Variants in DDAH1 observed in about 807,000 individuals in gnomAD.
DDAH1 encodes the protein N(G),N(G)-dimethylarginine dimethylaminohydrolase 1.
DDAH1 carries 19 observed loss-of-function variants against 28.8 expected under a neutral mutation model. The ratio of observed to expected loss-of-function variants is 0.66; its 90% CI spans 0.46 to 0.97. DDAH1 has a LOEUF of 0.97. Ranked by LOEUF, DDAH1 falls within the 50% of genes least tolerant of loss-of-function variation. DDAH1 has a pLI of 0.00. For synonymous variants in DDAH1, 153 were observed against 154.4 expected, an observed-to-expected ratio of 0.99 and a Z score of 0.07; for missense variants, 326 against 375.9, an observed-to-expected ratio of 0.87 and a Z score of 1.10.
chr1:85,428,377 A>T (rs940542408), intron 1 of DDAH1, among the ~76,000 whole-genome samples: 6 of 152,236 alleles, frequency 3.9e-5, no homozygotes, highest in Admixed American at 1.3e-4. Context: ...GGCAGGCAAG[A>T]GTGTGTGTGT....
chr1:85,430,446 G>A (rs1381629129), intron 1 of DDAH1, among the ~76,000 whole-genome samples: 1 of 152,184 alleles, frequency 6.6e-6, no homozygotes, highest in Non-Finnish European at 1.5e-5. Context: ...AAAGTCAGTG[G>A]TAGCTAGATG....
Position 85,382,034 on chromosome 1 carries a change from G to T in DDAH1, c.304-23187C>A, listed in dbSNP as rs116824381. Among the ~76,000 whole-genome samples, 941 of 152,250 alleles carry T rather than the reference G, an allele frequency of 6.2e-3. 9 individuals carry two copies. Among genetic ancestry groups the T allele is most frequent in the African/African-American group, 0.022 (912 of 41,542 alleles). ...TGGCCTCCAAGTGTTCAAGTGAAAGGAGGAATTGTACATTTCTCACTTTAA... is the reference window on the plus strand; with the variant it reads ...TGGCCTCCAAGTGTTCAAGTGAAAGTAGGAATTGTACATTTCTCACTTTAA... On this transcript the variant is annotated intron_variant, in intron 1 of 5. Transcript: ENST00000284031.
At chr1:85,546,209 A>G (rs940116220) in intron 1 of DDAH1, among the ~76,000 whole-genome samples, 2 of 151,692 alleles carry the variant, frequency 1.3e-5, no homozygotes, top group African/African-American at 2.4e-5. Flanking sequence ...AGAGGTGATT[A>G]GGCCATGGCA....
At chr1:85,501,697 C>T (rs1304962302) in intron 1 of DDAH1, among the ~76,000 whole-genome samples, 2 of 152,194 alleles carry the variant, frequency 1.3e-5, no homozygotes, top group Non-Finnish European at 2.9e-5. Flanking sequence ...AGGGTTTCAT[C>T]TCATGTGTTT....
intron 1 of DDAH1, among the ~76,000 whole-genome samples, chr1:85,424,016 T>G (rs766044744): frequency 7.9e-5 from 12 of 152,290 alleles, no homozygotes; most frequent in Middle Eastern, 3.4e-3. Context: ...TGTGGTGGAT[T>G]ACACTGGTTT....
intron 2 of DDAH1, among the ~76,000 whole-genome samples, chr1:85,353,910 T>A (rs1649359068): frequency 6.6e-6 from 1 of 151,972 alleles, no homozygotes; most frequent in Admixed American, 6.6e-5. Context: ...TTTAAAAGAC[T>A]AAGGTGTTCG....
chr1:85,433,786 T>G (rs1653812270), intron 1 of DDAH1, among the ~76,000 whole-genome samples: 1 of 152,206 alleles, frequency 6.6e-6, no homozygotes, highest in Non-Finnish European at 1.5e-5. Flanking sequence ...ATGTTAACTA[T>G]GAAGAGTAAT....
chr1:85,505,933 C>T (rs540932162), intron 1 of DDAH1, among the ~76,000 whole-genome samples: 1 of 152,238 alleles, frequency 6.6e-6, no homozygotes, highest in Non-Finnish European at 1.5e-5. Context: ...ATAGCATTAC[C>T]TTTAACAGCC....
chr1:85,328,116 A>G (rs182253800), intron 4 of DDAH1, among the ~76,000 whole-genome samples: 54 of 152,326 alleles, frequency 3.5e-4, no homozygotes, highest in African/African-American at 1.2e-3. Flanking sequence ...GCTAAAATCA[A>G]CAAGGCCAAG....
chr1:85,411,559 A>G (rs1382973325), intron 1 of DDAH1, among the ~76,000 whole-genome samples: 1 of 152,194 alleles, frequency 6.6e-6, no homozygotes, highest in Non-Finnish European at 1.5e-5. Flanking sequence ...TTTCATTTCT[A>G]GACTCCCTAG....
intron 2 of DDAH1, chr1:85,495,205 T>C (rs1656547443): frequency 6.6e-6 from 1 of 151,710 alleles, no homozygotes; most frequent in African/African-American, 2.4e-5. Flanking sequence ...TAGGTATTTC[T>C]AGTTTTCAGG....
intron 1 of DDAH1, among the ~76,000 whole-genome samples, chr1:85,536,472 G>A (rs1432646307): frequency 1.3e-5 from 2 of 152,154 alleles, no homozygotes. Flanking sequence ...AGAATCGCTT[G>A]AACCCGGGAG....
At chr1:85,577,783 G>A (rs919646273) in intron 1 of DDAH1, among the ~76,000 whole-genome samples, 3 of 152,104 alleles carry the variant, frequency 2.0e-5, no homozygotes, top group African/African-American at 7.2e-5. Context: ...CCTGGCAGCA[G>A]CGGTTGAGAG....
At chr1:85,483,136 C>T (rs1656068791) in intron 2 of DDAH1, among the ~76,000 whole-genome samples, 1 of 151,410 alleles carries the variant, frequency 6.6e-6, no homozygotes, top group African/African-American at 2.4e-5. Flanking sequence ...ACCGCTTGAA[C>T]CTGGGAGGGA....
intron 2 of DDAH1, among the ~76,000 whole-genome samples, chr1:85,480,261 T>C (rs1304386874): frequency 6.6e-6 from 1 of 152,180 alleles, no homozygotes; most frequent in African/African-American, 2.4e-5. Flanking sequence ...CACACCAAAA[T>C]ATATGTGCTC....
intron 1 of DDAH1, among the ~76,000 whole-genome samples, chr1:85,382,292 C>T (rs1378029148): frequency 1.3e-5 from 2 of 152,000 alleles, no homozygotes; most frequent in Non-Finnish European, 2.9e-5. Context: ...TCAAACCAGC[C>T]CCAATATTCT....
chr1:85,425,931 G>A lies in DDAH1; in HGVS notation c.303+38812C>T, dbSNP rs1225253723. Among the ~76,000 whole-genome samples, 7 of 152,250 alleles carry A rather than the reference G, an allele frequency of 4.6e-5. No individual in the cohort carries two copies. The East Asian group carries it at 9.6e-4, about 21-fold the overall frequency. ...AATATTTATGAAGTATTCATTTTGTGATAAGCACTAGTCTAGCTACCGGGG... is the reference window on the plus strand; with the variant it reads ...AATATTTATGAAGTATTCATTTTGTAATAAGCACTAGTCTAGCTACCGGGG... On this transcript the variant is annotated intron_variant, in intron 1 of 5. Coordinates refer to ENST00000284031, the MANE Select transcript of DDAH1 (RefSeq NM_012137.4).
chr1:85,343,553 C>T (rs1648643601), intron 4 of DDAH1, among the ~76,000 whole-genome samples: 2 of 152,222 alleles, frequency 1.3e-5, no homozygotes, highest in Admixed American at 1.3e-4. Context: ...AAAATTAAAC[C>T]TACAATGGGA....
intron 4 of DDAH1, among the ~76,000 whole-genome samples, chr1:85,327,892 C>A (rs182845): frequency 0.053 from 8,102 of 152,280 alleles, 743 homozygotes; most frequent in African/African-American, 0.19. Flanking sequence ...AGTCACTTGA[C>A]ATATAGCAGG....
Sources: gnomAD v4.1 joint callset for allele counts (sites outside exome capture counted in the v4.1 genomes callset) on GRCh38, gnomAD v4.1.1 for gene constraint, MANE v1.5 for transcripts, NCBI Gene and HGNC (gene_info 2026-07-23, HGNC 2026-07-21) for gene names.